The following KLHDC10 variants were observed in gnomAD, a reference collection of about 807,000 sequenced individuals.
KLHDC10 encodes kelch domain containing 10.
KLHDC10 carries 24 observed loss-of-function variants against 56.1 expected under a neutral mutation model. The ratio of observed to expected loss-of-function variants is 0.43; its 90% CI spans 0.31 to 0.60. The LOEUF (loss-of-function observed/expected upper bound fraction) is 0.60. Among genes scored for constraint, KLHDC10 ranks in the 20% least tolerant of loss-of-function variants. The pLI, the probability that KLHDC10 is intolerant of heterozygous loss-of-function variation, is 0.11. For synonymous variants in KLHDC10, 188 were observed against 207.1 expected (o/e 0.91, Z 0.79); for missense variants, 349 against 567.0 (o/e 0.62, Z 3.91).
At chr7:130,117,542 G>A (rs192975492) in intron 3 of KLHDC10, 1 of 175,790 alleles carries the variant, frequency 5.7e-6, no homozygotes, top group Non-Finnish European at 1.2e-5. Context: ...TTCACTAGGA[G>A]TAGATTCTAT....
intron 8 of KLHDC10, among the ~76,000 whole-genome samples, 187 bp downstream of exon 8, chr7:130,127,638 G>A (rs1454516646): frequency 6.6e-6 from 1 of 152,188 alleles, no homozygotes; most frequent in Non-Finnish European, 1.5e-5. Context: ...CTAGTATGGT[G>A]TTTGGGTTCC....
At chr7:130,101,016 A>C (rs1249573252) in intron 2 of KLHDC10, among the ~76,000 whole-genome samples, 2 of 144,574 alleles carry the variant, frequency 1.4e-5, no homozygotes, top group Non-Finnish European at 3.2e-5. Context: ...AAAAACAAAA[A>C]AAACAGAAAA....
At chr7:130,101,546 CCTT>C (rs1795929219) in intron 2 of KLHDC10, among the ~76,000 whole-genome samples, 1 of 152,234 alleles carries the variant, frequency 6.6e-6, no homozygotes, top group South Asian at 2.1e-4. Flanking sequence ...TTCCCCTACT[CCTT>C]CTCTCCCTTC....
chr7:130,128,889 A>AAAAAAAAAAAAATATATATATATATAT, intron 8 of KLHDC10, among the ~76,000 whole-genome samples: 14 of 66,936 alleles, frequency 2.1e-4, no homozygotes, highest in Non-Finnish European at 3.6e-4. Context: ...AAAAAAAAAA[A>AAAAAAAAAAAAATATATATATATATAT]ATATATATAT....
At position 130,127,395 on chromosome 7, in the gene KLHDC10, G is replaced by T; in HGVS notation, c.932-9G>T. The T allele has an allele frequency of 1.2e-6, 2 of 1,612,426 alleles. No individual in the cohort carries two copies. Among genetic ancestry groups the T allele is most frequent in the South Asian group, 2.2e-5 (2 of 91,016 alleles). Reference sequence around the variant, plus strand: ...AGTAATGGAACTTCTGTGTTTGTGTGTTTGGCAGGCTTTCCTGCAGCCCGA... The same window carrying T: ...AGTAATGGAACTTCTGTGTTTGTGTTTTTGGCAGGCTTTCCTGCAGCCCGA... On this transcript the variant is annotated splice_polypyrimidine_tract_variant and intron_variant, in intron 7 of 9. Coordinates refer to ENST00000335420, the MANE Select transcript of KLHDC10 (RefSeq NM_014997.4).
At chr7:130,079,981 G>T (rs1289840680) in intron 1 of KLHDC10, among the ~76,000 whole-genome samples, 1 of 139,306 alleles carries the variant, frequency 7.2e-6, no homozygotes, top group Non-Finnish European at 1.5e-5. Flanking sequence ...TCCCTCTGTC[G>T]CCCAGGTTGG....
intron 2 of KLHDC10, among the ~76,000 whole-genome samples, chr7:130,110,752 C>T (rs562915255): frequency 1.4e-3 from 211 of 152,042 alleles, no homozygotes; most frequent in African/African-American, 4.6e-3. Context: ...TTAGGCTGTT[C>T]GATATTTATA....
chr7:130,072,416 A>T (rs1177124349), intron 1 of KLHDC10, among the ~76,000 whole-genome samples: 1 of 152,214 alleles, frequency 6.6e-6, no homozygotes, highest in African/African-American at 2.4e-5. Flanking sequence ...AAGACCAAGA[A>T]CAGCCATTTA....
intron 8 of KLHDC10, among the ~76,000 whole-genome samples, chr7:130,128,919 T>TATATATATATATATATATATAC (rs1292651924): frequency 2.1e-4 from 24 of 115,698 alleles, no homozygotes; most frequent in Non-Finnish European, 2.9e-4. Context: ...TATATATATA[T>TATATATATATATATATATATAC]ACATACTAGC....
At chr7:130,076,627 G>A (rs1795507806) in intron 1 of KLHDC10, among the ~76,000 whole-genome samples, 2 of 152,120 alleles carry the variant, frequency 1.3e-5, no homozygotes, top group South Asian at 2.1e-4. Flanking sequence ...CACACAAAAT[G>A]TAAGTTAAAT....
chr7:130,070,690 G>A lies in KLHDC10; in HGVS notation c.47G>A (p.Gly16Asp), dbSNP rs760580641. 9 of 1,302,220 alleles carry A rather than the reference G, an allele frequency of 6.9e-6. No individual in the cohort carries two copies. The South Asian group carries it at 1.8e-4, about 27-fold the overall frequency. 80.7% of individuals were successfully genotyped at this position (1,302,220 alleles called of 1,614,324 possible). The change falls in exon 1 of 10, where the codon GGC becomes GAC. Residue 16 changes from glycine (G) to aspartate (D), a missense_variant. Around this residue, in one of 2 missense-constraint regions of KLHDC10, gnomAD observed 104 missense variants for 97.0 expected, o/e 1.07. Coordinates refer to ENST00000335420, the MANE Select transcript of KLHDC10 (RefSeq NM_014997.4). ...GWDRNRRRGG[G>D]AAGAGGGGSG... ...GACAGGAACCGCCGGAGGGGAGGAGGCGCCGCCGGCGCTGGTGGCGGAGGT... is the reference window on the plus strand; with the variant it reads ...GACAGGAACCGCCGGAGGGGAGGAGACGCCGCCGGCGCTGGTGGCGGAGGT...
At chr7:130,109,298 A>G (rs1281870222) in intron 2 of KLHDC10, among the ~76,000 whole-genome samples, 1 of 151,456 alleles carries the variant, frequency 6.6e-6, no homozygotes, top group Non-Finnish European at 1.5e-5. Context: ...GCAGGGGTGC[A>G]ATCATAGCTT....
At chr7:130,124,011 T>C (rs1796283573) in intron 5 of KLHDC10, among the ~76,000 whole-genome samples, 1 of 152,196 alleles carries the variant, frequency 6.6e-6, no homozygotes, top group Non-Finnish European at 1.5e-5. Flanking sequence ...AACTATGTAA[T>C]AATTTCCCCT....
chr7:130,112,745 G>T (rs570983146), intron 2 of KLHDC10, among the ~76,000 whole-genome samples: 1 of 152,312 alleles, frequency 6.6e-6, no homozygotes, highest in Middle Eastern at 3.4e-3. Context: ...ATATGAGAAA[G>T]AAATCTGTAG....
chr7:130,116,958 T>C lies in KLHDC10; in HGVS notation c.475+292T>C, dbSNP rs1051883211. On this transcript the variant is annotated intron_variant, in intron 3 of 9. Transcript: ENST00000335420. The surrounding 1 kb of genome is among the most constrained non-coding windows in gnomAD (Gnocchi z 4.8). ...TATCACGCAGTAGAAGGTCAACAAA[T>C]GGGGCTTATGACGATGACAGTTAAT... Among the ~76,000 whole-genome samples, 1 of 152,120 alleles carries C rather than the reference T, an allele frequency of 6.6e-6. No individual in the cohort carries two copies. The highest frequency in any genetic ancestry group is 1.5e-5 in the Non-Finnish European group (1 of 68,024).
intron 1 of KLHDC10, among the ~76,000 whole-genome samples, chr7:130,075,424 A>G (rs2116832941): frequency 6.6e-6 from 1 of 152,338 alleles, no homozygotes; most frequent in African/African-American, 2.4e-5. Context: ...AGTATATGGT[A>G]AAAGGCAAGT....
chr7:130,122,194 A>G lies in KLHDC10; in HGVS notation c.771A>G (p.Pro257=), dbSNP rs1254724836. The G allele has an allele frequency of 1.2e-6, 2 of 1,613,492 alleles. No homozygotes were observed. Among genetic ancestry groups the G allele is most frequent in the Admixed American group, 1.7e-5 (1 of 59,914 alleles). The part of the protein sequence containing the change: ...LKPNNLSCDL[P]EERYRHEIAH... The stretch of plus-strand genomic sequence containing the variant: ...CAAACAACCTATCCTGTGATCTACC[A>G]GAAGAGAGGTGAGGTTCTAGGATTC... Residue 257 remains proline (P), a synonymous_variant, in exon 5 of 10, where the codon CCA becomes CCG. Transcript: ENST00000335420.
At chr7:130,073,816 C>T (rs1795458061) in intron 1 of KLHDC10, among the ~76,000 whole-genome samples, 1 of 152,156 alleles carries the variant, frequency 6.6e-6, no homozygotes, top group Admixed American at 6.5e-5. Context: ...TCAATATTTT[C>T]TTCTCCGTTG....
Position 130,127,467 on chromosome 7 carries a change from A to G in KLHDC10, c.979+16A>G. On this transcript the variant is annotated intron_variant, in intron 8 of 9. Transcript: ENST00000335420. The stretch of plus-strand genomic sequence containing the variant: ...ATAAAAAATGGTAAGGATTCTAAAT[A>G]ACATTTTGCTTCCATTTCTGTAATT... 4 of 1,585,674 alleles carry G rather than the reference A, an allele frequency of 2.5e-6. No individual in the cohort carries two copies. The highest frequency in any genetic ancestry group is 3.5e-6 in the Non-Finnish European group (4 of 1,154,332).
Sources: gnomAD v4.1 joint callset for allele counts (sites outside exome capture counted in the v4.1 genomes callset) on GRCh38, gnomAD v4.1.1 for gene constraint, gnomAD v4.1.1 regional missense constraint, Gnocchi (gnomAD v3.1) non-coding constraint, MANE v1.5 for transcripts, NCBI Gene and HGNC (gene_info 2026-07-23, HGNC 2026-07-21) for gene names.